Variants in ARID2 observed in about 807,000 individuals in gnomAD.
The protein encoded by ARID2 is AT-rich interactive domain-containing protein 2.
A neutral mutation model predicts 184.6 loss-of-function variants in ARID2; 32 were observed. The observed-to-expected ratio is 0.17, with a 90% CI of 0.13 to 0.23. ARID2 has a LOEUF of 0.23. Among genes scored for constraint, ARID2 ranks in the 10% least tolerant of loss-of-function variants. The pLI is 1.00. For synonymous variants in ARID2, 836 were observed against 772.6 expected (o/e 1.08, Z -1.36); for missense variants, 1,696 against 2,197.6 (o/e 0.77, Z 4.56).
At chr12:45,899,683 A>T (rs1490113005) in intron 20 of ARID2, among the ~76,000 whole-genome samples, 1 of 128,520 alleles carries the variant, frequency 7.8e-6, no homozygotes, top group African/African-American at 3.1e-5. Flanking sequence ...ATATATGGTT[A>T]TATATATATG....
In ARID2 at chr12:45,836,658, A is replaced by G. The variant is rs1027079581; in HGVS notation, c.772+3A>G. On this transcript the variant is annotated splice_donor_region_variant and intron_variant, in intron 7 of 20. Coordinates refer to ENST00000334344, the MANE Select transcript of ARID2 (RefSeq NM_152641.4). ...TTCTGACAGAAACAAGTCTCATGGT[A>G]AGTTAGTGAAAGCAAAATTTTTCAA... 4 of 1,605,466 alleles carry G rather than the reference A, an allele frequency of 2.5e-6. No individual in the cohort carries two copies. The highest frequency in any genetic ancestry group is 3.4e-6 in the Non-Finnish European group (4 of 1,177,314).
chr12:45,886,766 G>A (rs188203785), intron 16 of ARID2, among the ~76,000 whole-genome samples: 1 of 152,310 alleles, frequency 6.6e-6, no homozygotes, highest in East Asian at 1.9e-4. Flanking sequence ...TGCACTCTCT[G>A]AAGCTACAGC....
intron 4 of ARID2, among the ~76,000 whole-genome samples, chr12:45,811,893 A>C (rs1467337435): frequency 1.3e-5 from 2 of 152,200 alleles, no homozygotes; most frequent in Admixed American, 1.3e-4. Flanking sequence ...TTTCTTATAG[A>C]GTCTATTAGA....
intron 3 of ARID2, among the ~76,000 whole-genome samples, chr12:45,737,492 G>T (rs1682761667): frequency 6.6e-6 from 1 of 150,748 alleles, no homozygotes; most frequent in South Asian, 2.1e-4. Flanking sequence ...ATACATATTT[G>T]CTGAAAAGTG....
intron 15 of ARID2, 45 bp downstream of exon 15, chr12:45,852,941 T>C: frequency 7.4e-6 from 11 of 1,488,326 alleles, no homozygotes; most frequent in Non-Finnish European, 9.8e-6. Context: ...ATTTCTGATC[T>C]GTAAATACAA....
intron 18 of ARID2, 31 bp from the exon 19 acceptor site, chr12:45,893,389 C>A (rs1386122228): frequency 2.7e-6 from 1 of 376,066 alleles, no homozygotes; most frequent in South Asian, 7.2e-5. Flanking sequence ...CACGTTAATT[C>A]TCTCTCTCTC....
At chr12:45,839,302 A>C in intron 10 of ARID2, 27 bp from the exon 11 acceptor site, 1 of 1,576,454 alleles carries the variant, frequency 6.3e-7, no homozygotes, top group Admixed American at 1.8e-5. Context: ...TTATTGACTA[A>C]TAACTATTGC....
intron 3 of ARID2, among the ~76,000 whole-genome samples, chr12:45,770,617 C>T (rs1941858183): frequency 6.6e-6 from 1 of 152,112 alleles, no homozygotes; most frequent in Admixed American, 6.5e-5. Flanking sequence ...CAGCTCTCAC[C>T]AAAGAGAGGA....
At chr12:45,871,360 A>G (rs1943923137) in intron 16 of ARID2, among the ~76,000 whole-genome samples, 1 of 152,054 alleles carries the variant, frequency 6.6e-6, no homozygotes, top group South Asian at 2.1e-4. Context: ...TTCTGCGTCT[A>G]TTGCTATGAT....
intron 6 of ARID2, among the ~76,000 whole-genome samples, chr12:45,825,879 A>G (rs1424529050): frequency 6.6e-6 from 1 of 152,014 alleles, no homozygotes; most frequent in Non-Finnish European, 1.5e-5. Context: ...GGAAAAAAAA[A>G]AGACTTTCTG....
intron 4 of ARID2, among the ~76,000 whole-genome samples, chr12:45,816,565 C>A (rs938804968): frequency 6.6e-6 from 1 of 152,192 alleles, no homozygotes; most frequent in Non-Finnish European, 1.5e-5. Flanking sequence ...AGCAATCCCA[C>A]TTCTAGGTAT....
At chr12:45,771,357 A>C (rs1179169556) in intron 3 of ARID2, among the ~76,000 whole-genome samples, 1 of 115,254 alleles carries the variant, frequency 8.7e-6, no homozygotes, top group Non-Finnish European at 1.6e-5. Flanking sequence ...AGTCCATGTC[A>C]AAAAAAAAAA....
At chr12:45,838,004 A>G (rs1328766686) in intron 10 of ARID2, among the ~76,000 whole-genome samples, 3 of 152,242 alleles carry the variant, frequency 2.0e-5, no homozygotes, top group South Asian at 2.1e-4. Flanking sequence ...AGAAGCATCT[A>G]TAATTTAGAA....
At chr12:45,897,692 T>C (rs1169519707) in intron 20 of ARID2, among the ~76,000 whole-genome samples, 1 of 152,180 alleles carries the variant, frequency 6.6e-6, no homozygotes, top group Middle Eastern at 3.2e-3. Flanking sequence ...GAGACAAAAA[T>C]TGGTGTGGAA....
intron 3 of ARID2, among the ~76,000 whole-genome samples, chr12:45,792,573 A>G (rs1025261797): frequency 8.5e-5 from 13 of 152,138 alleles, no homozygotes; most frequent in Non-Finnish European, 1.8e-4. Flanking sequence ...CTGTATCCTT[A>G]CTGTGTTTTC....
chr12:45,860,271 G>A (rs1943720477), intron 15 of ARID2, among the ~76,000 whole-genome samples: 1 of 152,176 alleles, frequency 6.6e-6, no homozygotes, highest in African/African-American at 2.4e-5. Flanking sequence ...ATCTAAAATT[G>A]TTAAGCAGCT....
intron 3 of ARID2, among the ~76,000 whole-genome samples, chr12:45,758,357 CA>C (rs1323171564): frequency 6.6e-6 from 1 of 151,884 alleles, no homozygotes; most frequent in African/African-American, 2.4e-5. Context: ...AACATTATGA[CA>C]TTTTTTTTTG....
chr12:45,869,716 C>A (rs187326207), intron 16 of ARID2, among the ~76,000 whole-genome samples: 5 of 151,938 alleles, frequency 3.3e-5, no homozygotes, highest in Non-Finnish European at 5.9e-5. Context: ...AACCCCGTCT[C>A]TACTAAAAAT....
chr12:45,845,582 A>T (rs1206801197), intron 11 of ARID2, among the ~76,000 whole-genome samples: 1 of 152,178 alleles, frequency 6.6e-6, no homozygotes, highest in Non-Finnish European at 1.5e-5. Context: ...AAAAGATTAA[A>T]ATATATAATG....
Sources: gnomAD v4.1 joint callset for allele counts (sites outside exome capture counted in the v4.1 genomes callset) on GRCh38, gnomAD v4.1.1 for gene constraint, MANE v1.5 for transcripts, NCBI Gene and HGNC (gene_info 2026-07-23, HGNC 2026-07-21) for gene names.